Variants in RPGRIP1L observed in about 807,000 individuals in gnomAD.
RPGRIP1L encodes protein fantom.
RPGRIP1L carries 131 observed loss-of-function variants against 160.4 expected under a neutral mutation model. That is an observed-to-expected ratio of 0.82 (90% confidence interval 0.71 to 0.94). The LOEUF is 0.94. Among genes scored for constraint, RPGRIP1L ranks in the 40% least tolerant of loss-of-function variants. The pLI, the probability that RPGRIP1L is intolerant of heterozygous loss-of-function variation, is 0.00. For missense variants in RPGRIP1L, 1,522 were observed against 1,535.8 expected (o/e 0.99, Z 0.15); for synonymous variants, 510 against 515.8 (o/e 0.99, Z 0.15).
chr16:53,631,394 A>G (rs1965511552), intron 22 of RPGRIP1L, among the ~76,000 whole-genome samples: 1 of 152,214 alleles, frequency 6.6e-6, no homozygotes, highest in African/African-American at 2.4e-5. Flanking sequence ...TGCACAGAAG[A>G]GTCCATTGCT....
intron 5 of RPGRIP1L, among the ~76,000 whole-genome samples, 156 bp downstream of exon 5, chr16:53,687,707 G>A (rs1267616074): frequency 6.6e-6 from 1 of 151,510 alleles, no homozygotes; most frequent in East Asian, 1.9e-4. Context: ...CTTTTTCTGA[G>A]AACATGTTAT....
intron 6 of RPGRIP1L, 58 bp from the exon 7 acceptor site, chr16:53,675,180 A>C (rs1487399343): frequency 1.8e-6 from 2 of 1,107,320 alleles, no homozygotes; most frequent in Non-Finnish European, 2.7e-6. Flanking sequence ...AGTTAGAAGA[A>C]AATCTATGGT....
intron 16 of RPGRIP1L, among the ~76,000 whole-genome samples, chr16:53,647,289 C>CA (rs1167510208): frequency 2.6e-5 from 4 of 151,998 alleles, no homozygotes; most frequent in African/African-American, 9.7e-5. Flanking sequence ...GCAAAAACAA[C>CA]AAAAAAGGGA....
rs1182447072 is a variant in RPGRIP1L at position 53,641,051 on chromosome 16, GA to G, written c.2939del (p.Ile980ThrfsTer23). 6.2e-7 allele frequency: 1 copy of G among 1,612,534 alleles called. No individual in the cohort carries two copies. The highest frequency in any genetic ancestry group is 1.7e-5 in the Admixed American group (1 of 60,006). On this transcript the variant is annotated frameshift_variant, in exon 19 of 27. Transcript: ENST00000647211. LOFTEE classifies it high-confidence loss of function. Reference sequence around the variant, plus strand: ...TACTTACATCACTCTGATGTGGCATGATATCCACGAAAGATACCTTCTTATC... The same window carrying G: ...TACTTACATCACTCTGATGTGGCATGTATCCACGAAAGATACCTTCTTATC... The part of the protein sequence containing the change: ...PVDKKVSFVD[I>X]MPHQSDETSP...
chr16:53,686,450 C>T lies in RPGRIP1L; in HGVS notation c.759G>A (p.Gln253=), dbSNP rs1430647199. Residue 253 remains glutamine (Q), a synonymous_variant, in exon 6 of 27, where the codon CAG becomes CAA. Transcript: ENST00000647211. ...TAACATACCTTTGATCTGTAGCTTG[C>T]TGTTCTCGAAGCTGAAGAAGAGATA... ...IELSLLQLRE[Q]QATDQRSNIR... 1.3e-5 allele frequency: 21 copies of T among 1,613,176 alleles called. No individual in the cohort carries two copies. Among genetic ancestry groups the T allele is most frequent in the Non-Finnish European group, 1.7e-5 (20 of 1,179,726 alleles).
Position 53,622,934 on chromosome 16 carries a change from G to A in RPGRIP1L, c.3295-578C>T, listed in dbSNP as rs1964834174. 1.3e-5 allele frequency among the ~76,000 whole-genome samples: 2 copies of A among 152,100 alleles called. 1 individual carries two copies. The highest frequency in any genetic ancestry group is 4.2e-4 in the South Asian group (2 of 4,814). ...GGATTGCTTGAGCCTGAGAGGTTGG[G>A]GCTGTAGGGAGCCATGATCTTGCCA... is the stretch of plus-strand genomic sequence containing the variant. On this transcript the variant is annotated intron_variant, in intron 22 of 26. Transcript: ENST00000647211.
intron 3 of RPGRIP1L, chr16:53,695,541 T>C (rs549169053): frequency 1.1e-5 from 7 of 639,878 alleles, no homozygotes; most frequent in African/African-American, 5.4e-5. Flanking sequence ...CCTCAGAAAA[T>C]AGGCACAGCA....
chr16:53,653,218 TA>T, intron 14 of RPGRIP1L: 1 of 724,182 alleles, frequency 1.4e-6, no homozygotes, highest in Non-Finnish European at 1.7e-6. Context: ...TAATATAGCC[TA>T]AGCCAGGAAA....
chr16:53,692,119 G>C lies in RPGRIP1L; in HGVS notation c.476C>G (p.Thr159Ser), dbSNP rs1970426122. 1 of 1,613,874 alleles carries C rather than the reference G, an allele frequency of 6.2e-7. No homozygotes were observed. The highest frequency in any genetic ancestry group is 2.2e-5 in the East Asian group (1 of 44,892). ...ATTTTCATTTGCTTTTCTACGCCCAGTGTTAATACGAGATTGTACATTATT... is the reference window on the plus strand; with the variant it reads ...ATTTTCATTTGCTTTTCTACGCCCACTGTTAATACGAGATTGTACATTATT... ...PYNNVQSRIN[T>S]GRRKANENAG... Residue 159 changes from threonine (T) to serine (S), a missense_variant, in exon 4 of 27, where the codon ACT becomes AGT. Coordinates refer to ENST00000647211, the MANE Select transcript of RPGRIP1L (RefSeq NM_015272.5).
At chr16:53,627,637 A>C (rs1303124237) in intron 22 of RPGRIP1L, among the ~76,000 whole-genome samples, 1 of 152,092 alleles carries the variant, frequency 6.6e-6, no homozygotes, top group African/African-American at 2.4e-5. Flanking sequence ...TTTCTACTGC[A>C]TGTGTGTATA....
At chr16:53,626,399 G>A (rs1404547669) in intron 22 of RPGRIP1L, among the ~76,000 whole-genome samples, 1 of 152,060 alleles carries the variant, frequency 6.6e-6, no homozygotes, top group African/African-American at 2.4e-5. Context: ...TCCCCTCTAC[G>A]TGTATGAATT....
intron 2 of RPGRIP1L, among the ~76,000 whole-genome samples, chr16:53,697,923 C>G (rs1048124291): frequency 6.6e-6 from 1 of 151,932 alleles, no homozygotes; most frequent in Middle Eastern, 3.2e-3. Flanking sequence ...TGAGGAGCGC[C>G]TCTTCCCGGC....
At chr16:53,675,993 A>C (rs1420786556) in intron 6 of RPGRIP1L, among the ~76,000 whole-genome samples, 1 of 152,152 alleles carries the variant, frequency 6.6e-6, no homozygotes, top group African/African-American at 2.4e-5. Flanking sequence ...AGGAAAAATA[A>C]ATGTAAAAAA....
intron 24 of RPGRIP1L, among the ~76,000 whole-genome samples, chr16:53,616,467 CATT>C (rs1964382666): frequency 6.6e-6 from 1 of 152,142 alleles, no homozygotes; most frequent in East Asian, 1.9e-4. Context: ...CCTAGGAGCT[CATT>C]TTTTCAGATA....
chr16:53,608,659 C>G (rs1024635909), intron 25 of RPGRIP1L, among the ~76,000 whole-genome samples: 2 of 152,138 alleles, frequency 1.3e-5, no homozygotes, highest in African/African-American at 2.4e-5. Flanking sequence ...GAAGATACAT[C>G]AAACTTCTCT....
chr16:53,696,176 G>T lies in RPGRIP1L; in HGVS notation c.205C>A (p.Arg69Ser), dbSNP rs775007896. The T allele has an allele frequency of 1.2e-6, 2 of 1,613,702 alleles. No individual in the cohort carries two copies. Among genetic ancestry groups the T allele is most frequent in the South Asian group, 2.2e-5 (2 of 91,050 alleles). ...CTTTTAATTTTATCCTCCTGCTTGC[G>T]GGCATGCTGTTTAAGTAAAATGTTC... is the stretch of plus-strand genomic sequence containing the variant. ...DENILLKQHA[R>S]KQEDKIKRMA... Residue 69 changes from arginine (R) to serine (S), a missense_variant, in exon 3 of 27, where the codon CGC becomes AGC. By Grantham distance (110) the Arg-to-Ser change is moderately radical (BLOSUM62 -1). Transcript: ENST00000647211.
chr16:53,610,423 T>C (rs953177951), intron 25 of RPGRIP1L, among the ~76,000 whole-genome samples: 2 of 152,220 alleles, frequency 1.3e-5, no homozygotes, highest in African/African-American at 4.8e-5. Context: ...TTAATGTCAC[T>C]ACTTACAATG....
intron 22 of RPGRIP1L, among the ~76,000 whole-genome samples, chr16:53,630,074 T>G (rs1206025325): frequency 1.3e-5 from 2 of 152,260 alleles, no homozygotes; most frequent in Admixed American, 1.3e-4. Context: ...CAGCGACAGG[T>G]TCTCCTCTGT....
At chr16:53,667,522 G>T (rs1968371274) in intron 9 of RPGRIP1L, among the ~76,000 whole-genome samples, 1 of 152,202 alleles carries the variant, frequency 6.6e-6, no homozygotes, top group African/African-American at 2.4e-5. Flanking sequence ...AGGATGGCTT[G>T]AGCCCAGGAG....
Sources: allele counts gnomAD v4.1 joint callset (sites outside exome capture counted in the v4.1 genomes callset), GRCh38; gene constraint gnomAD v4.1.1; transcripts MANE v1.5; gene names NCBI Gene and HGNC (gene_info 2026-07-23, HGNC 2026-07-21).